GRM5: variants seen among roughly 807,000 people sequenced by gnomAD.
GRM5 encodes the protein glutamate metabotropic receptor 5.
GRM5 carries 19 observed loss-of-function variants against 83.1 expected under a neutral mutation model. The ratio of observed to expected loss-of-function variants is 0.23; its 90% CI spans 0.16 to 0.34. The LOEUF (loss-of-function observed/expected upper bound fraction) is 0.34, where lower values mean the gene tolerates loss of function less well. GRM5 is among the 10% of genes least tolerant of loss of function. The pLI, the probability that GRM5 is intolerant of heterozygous loss-of-function variation, is 1.00. For synonymous variants in GRM5, 675 were observed against 633.6 expected, an observed-to-expected ratio of 1.07 and a Z score of -0.98; for missense variants, 1,160 against 1,588.3, an observed-to-expected ratio of 0.73 and a Z score of 4.58.
At chr11:88,522,422 G>A (rs1291033228) in intron 9 of GRM5, among the ~76,000 whole-genome samples, 1 of 152,136 alleles carries the variant, frequency 6.6e-6, no homozygotes, top group African/African-American at 2.4e-5. Flanking sequence ...AAATATGTGT[G>A]TGCAGGCATG....
At chr11:88,871,919 G>A (rs917255873) in intron 2 of GRM5, among the ~76,000 whole-genome samples, 1 of 150,926 alleles carries the variant, frequency 6.6e-6, no homozygotes, top group African/African-American at 2.4e-5. Flanking sequence ...GAAAAAAAAA[G>A]TTCAATAGAA....
chr11:88,752,206 A>G (rs112301108), intron 3 of GRM5, among the ~76,000 whole-genome samples: 4,404 of 152,274 alleles, frequency 0.029, 223 homozygotes, highest in Admixed American at 0.14. Flanking sequence ...AGACAACCCC[A>G]TAGTCTCAGC....
chr11:88,637,524 C>G (rs373794128), intron 4 of GRM5, among the ~76,000 whole-genome samples: 8,358 of 151,842 alleles, frequency 0.055, 271 homozygotes, highest in Middle Eastern at 0.086. Context: ...CAAAAGAAGA[C>G]ATTTATGCAG....
intron 3 of GRM5, among the ~76,000 whole-genome samples, chr11:88,786,875 G>A (rs1305811774): frequency 3.9e-5 from 6 of 152,036 alleles, no homozygotes; most frequent in Admixed American, 3.9e-4. Context: ...TCTGGGACAA[G>A]AAGAGCTTCT....
chr11:88,833,067 G>C (rs1342477389), intron 3 of GRM5, among the ~76,000 whole-genome samples: 2 of 152,018 alleles, frequency 1.3e-5, no homozygotes, highest in African/African-American at 4.8e-5. Flanking sequence ...AGATTTTATA[G>C]CTAAGACCTA....
chr11:88,799,949 T>C lies in GRM5; in HGVS notation c.911+49957A>G, dbSNP rs530441982. 4.9e-4 allele frequency among the ~76,000 whole-genome samples: 75 copies of C among 152,160 alleles called. 1 individual carries two copies. In the South Asian group the frequency reaches 0.011, roughly 22 times the overall value. On this transcript the variant is annotated intron_variant, in intron 3 of 9. Coordinates refer to ENST00000305447, the MANE Select transcript of GRM5 (RefSeq NM_001143831.3). ...GCAAACAACAGACTCTGTGGGCCAA[T>C]AGGCAATGGAAATGAGAATCAACCT...
At chr11:88,749,071 G>A (rs1449781878) in intron 3 of GRM5, among the ~76,000 whole-genome samples, 1 of 152,168 alleles carries the variant, frequency 6.6e-6, no homozygotes, top group Admixed American at 6.5e-5. Context: ...TCTCGAGCAA[G>A]GACCCAGAAC....
chr11:88,601,350 T>C (rs1294016671), intron 5 of GRM5, among the ~76,000 whole-genome samples: 1 of 152,110 alleles, frequency 6.6e-6, no homozygotes, highest in Non-Finnish European at 1.5e-5. Context: ...TGCTCCTCTG[T>C]TCTTTCTTTC....
At chr11:88,884,390 C>T (rs751260161) in intron 2 of GRM5, among the ~76,000 whole-genome samples, 5 of 152,078 alleles carry the variant, frequency 3.3e-5, no homozygotes, top group African/African-American at 9.7e-5. Context: ...ATGCCTGTAC[C>T]CCACTGTGTC....
At position 88,911,470 on chromosome 11, in the gene GRM5, C is replaced by T. The variant is rs1230995296; in HGVS notation, c.662-61315G>A. Among the ~76,000 whole-genome samples, 5 of 152,228 alleles carry T rather than the reference C, an allele frequency of 3.3e-5. No homozygotes were observed. The South Asian group carries it at 8.3e-4, about 25-fold the overall frequency. On this transcript the variant is annotated intron_variant, in intron 2 of 9. Transcript: ENST00000305447. ...TGAGAAAGCATATAGATTTTTTGTA[C>T]TCAACAGTGACACTTTCCCTCACTG...
chr11:88,667,542 C>G (rs570848716), intron 3 of GRM5, among the ~76,000 whole-genome samples: 4 of 152,126 alleles, frequency 2.6e-5, no homozygotes, highest in Non-Finnish European at 5.9e-5. Context: ...CCCTCCAAAA[C>G]TAGAGGTCAT....
intron 3 of GRM5, among the ~76,000 whole-genome samples, chr11:88,683,617 C>A (rs185625793): frequency 1.3e-5 from 2 of 152,098 alleles, no homozygotes; most frequent in African/African-American, 4.8e-5. Context: ...ATTAGTTTAC[C>A]ATATAAATTA....
intron 2 of GRM5, among the ~76,000 whole-genome samples, chr11:88,958,516 A>G (rs940862975): frequency 6.6e-6 from 1 of 152,046 alleles, no homozygotes; most frequent in African/African-American, 2.4e-5. Flanking sequence ...TCTAAGGCTT[A>G]GGCTTAAATA....
intron 2 of GRM5, among the ~76,000 whole-genome samples, chr11:89,000,319 T>G (rs762259833): frequency 1.7e-4 from 26 of 152,150 alleles, no homozygotes; most frequent in Non-Finnish European, 2.9e-4. Context: ...TCAAGTTTTA[T>G]TATATAATTA....
chr11:89,004,887 A>G (rs1940480856), intron 2 of GRM5, among the ~76,000 whole-genome samples: 1 of 152,230 alleles, frequency 6.6e-6, no homozygotes. Flanking sequence ...CTATTTAAAG[A>G]CACTGTCCTT....
chr11:88,648,825 G>A (rs1939541223), intron 4 of GRM5, among the ~76,000 whole-genome samples: 1 of 151,560 alleles, frequency 6.6e-6, no homozygotes, highest in Non-Finnish European at 1.5e-5. Flanking sequence ...AGACTACACA[G>A]AGAATAAGTC....
At chr11:89,002,539 A>C (rs1940413599) in intron 2 of GRM5, among the ~76,000 whole-genome samples, 1 of 152,148 alleles carries the variant, frequency 6.6e-6, no homozygotes, top group African/African-American at 2.4e-5. Flanking sequence ...CCTGTCATTC[A>C]AGTTCATTAG....
chr11:88,751,352 T>C (rs544679907), intron 3 of GRM5, among the ~76,000 whole-genome samples: 12 of 152,248 alleles, frequency 7.9e-5, no homozygotes, highest in African/African-American at 2.9e-4. Context: ...CTAGAAAATC[T>C]AGAAGAAACC....
chr11:88,521,833 C>T (rs1941699876), intron 9 of GRM5, among the ~76,000 whole-genome samples: 1 of 152,150 alleles, frequency 6.6e-6, no homozygotes, highest in Non-Finnish European at 1.5e-5. Flanking sequence ...GGGAGGAAGG[C>T]AGAAGTAAAG....
Sources: gnomAD v4.1 joint callset for allele counts (sites outside exome capture counted in the v4.1 genomes callset) on GRCh38, gnomAD v4.1.1 for gene constraint, MANE v1.5 for transcripts, NCBI Gene and HGNC (gene_info 2026-07-23, HGNC 2026-07-21) for gene names.